Variants in PNCK observed in about 807,000 individuals in gnomAD.
PNCK encodes the protein calcium/calmodulin-dependent protein kinase type 1B.
A neutral mutation model predicts 28.3 loss-of-function variants in PNCK; 21 were observed. That is an observed-to-expected ratio of 0.74 (90% CI 0.53 to 1.07). PNCK has a LOEUF of 1.07. PNCK is among the 50% of genes least tolerant of loss of function. The pLI, the probability that PNCK is intolerant of heterozygous loss-of-function variation, is 0.00. For synonymous variants in PNCK, 136 were observed against 125.2 expected, an observed-to-expected ratio of 1.09 and a Z score of -0.58; for missense variants, 250 against 298.3, an observed-to-expected ratio of 0.84 and a Z score of 1.19.
intron 1 of PNCK, among the ~76,000 whole-genome samples, chrX:153,685,336 G>A (rs2091414227): frequency 9.0e-6 from 1 of 111,283 alleles, no homozygotes; most frequent in South Asian, 3.8e-4. Context: ...CTGCTCAGCA[G>A]CTCGTGGGAG....
chrX:153,677,945 T>G (rs781826990), upstream of PNCK, among the ~76,000 whole-genome samples: 17 of 107,661 alleles, frequency 1.6e-4, no homozygotes, highest in Non-Finnish European at 3.1e-4. Flanking sequence ...TACATATAGA[T>G]AGATAGATAT....
chrX:153,677,368 C>T (rs1225829636), upstream of PNCK, among the ~76,000 whole-genome samples: 2 of 110,170 alleles, frequency 1.8e-5, no homozygotes, highest in African/African-American at 6.6e-5. Flanking sequence ...TTTCCTGAAC[C>T]GGTCCTAGAA....
At chrX:153,677,769 G>A (rs782606576), upstream of PNCK, among the ~76,000 whole-genome samples, 173 of 103,250 alleles carry the variant, frequency 1.7e-3, 1 homozygote, top group African/African-American at 5.9e-3. Context: ...TATATAGTGT[G>A]TATATATATA....
chrX:153,671,500 TC>T, intron 6 of PNCK, 48 bp downstream of exon 6: 1 of 1,209,041 alleles, frequency 8.3e-7, no homozygotes, highest in Non-Finnish European at 1.1e-6. Context: ...CTGTCTAGGG[TC>T]CCCCAGGCCA....
chrX:153,673,225 C>T (rs894043499), intron 1 of PNCK, 147 bp from the exon 2 acceptor site: 6 of 1,195,166 alleles, frequency 5.0e-6, no homozygotes, highest in Non-Finnish European at 6.7e-6. Context: ...TCCACACCCC[C>T]AGACGGACGC....
At chrX:153,674,320 G>A (rs2091352255), upstream of PNCK, 1 of 826,199 alleles carries the variant, frequency 1.2e-6, no homozygotes, top group Admixed American at 3.5e-5. Context: ...CTTTTATTGA[G>A]ATCATGTCAC....
chrX:153,677,070 G>A (rs986188752), upstream of PNCK, among the ~76,000 whole-genome samples: 60 of 110,570 alleles, frequency 5.4e-4, no homozygotes, highest in South Asian at 7.8e-4. Flanking sequence ...CTCCCAAGTA[G>A]CTGGGACTAC....
intron 1 of PNCK, 77 bp from the exon 2 acceptor site, chrX:153,673,155 C>A: frequency 1.7e-6 from 2 of 1,176,987 alleles, no homozygotes; most frequent in Non-Finnish European, 2.3e-6. Context: ...CCTCCACCCC[C>A]TGCCAGGCAG....
At chrX:153,673,419 T>G in intron 1 of PNCK, 2 of 623,401 alleles carry the variant, frequency 3.2e-6, no homozygotes, top group Non-Finnish European at 4.6e-6. Context: ...TCCACACATC[T>G]ACAGCGCCCA....
At chrX:153,680,006 C>A (rs1603208249) in intron 1 of PNCK, among the ~76,000 whole-genome samples, 1 of 110,904 alleles carries the variant, frequency 9.0e-6, no homozygotes, top group East Asian at 2.9e-4. Context: ...GAGCCATGAT[C>A]ATGCCACTGC....
chrX:153,682,539 C>T (rs2091400006), intron 1 of PNCK, among the ~76,000 whole-genome samples: 1 of 112,226 alleles, frequency 8.9e-6, no homozygotes, highest in South Asian at 3.7e-4. Flanking sequence ...GCCTCTGAGC[C>T]CAAGCTAAGC....
At chrX:153,676,463 C>T (rs1304977834), upstream of PNCK, among the ~76,000 whole-genome samples, 1 of 112,177 alleles carries the variant, frequency 8.9e-6, no homozygotes, top group Admixed American at 9.5e-5. Flanking sequence ...GGACAAACGG[C>T]ATAAGGAATA....
intron 1 of PNCK, chrX:153,673,396 C>A: frequency 2.4e-6 from 2 of 842,208 alleles, no homozygotes; most frequent in South Asian, 2.5e-5. Context: ...TCACCCACGC[C>A]GTCCCTCCCC....
chrX:153,674,025 G>C (rs1250474687), upstream of PNCK: 1 of 1,192,470 alleles, frequency 8.4e-7, no homozygotes, highest in Non-Finnish European at 1.1e-6. Context: ...GGCCCGGCTG[G>C]GCCGGCCCCA....
At chrX:153,673,818 G>T, upstream of PNCK, 1 of 749,604 alleles carries the variant, frequency 1.3e-6, no homozygotes, top group Non-Finnish European at 1.6e-6. Flanking sequence ...CGCAGTGGCC[G>T]CAGCGCCAAG....
At chrX:153,681,028 CAAAAA>C (rs782745110) in intron 1 of PNCK, among the ~76,000 whole-genome samples, 2 of 30,225 alleles carry the variant, frequency 6.6e-5, no homozygotes, top group Non-Finnish European at 1.4e-4. Flanking sequence ...GAACCTGTCT[CAAAAA>C]AAAAAAAAAA....
chrX:153,677,585 T>A (rs199943701), upstream of PNCK, among the ~76,000 whole-genome samples: 1 of 78,582 alleles, frequency 1.3e-5, no homozygotes, highest in African/African-American at 5.8e-5. Flanking sequence ...GTATATATAG[T>A]GTATATATAT....
At position 153,672,920 on chromosome X, in the gene PNCK, C is replaced by T. The variant is rs1396176422; in HGVS notation, c.68+89G>A. On this transcript the variant is annotated intron_variant, in intron 2 of 11. Transcript: ENST00000340888. ...ACACACACATCATCTCACACCCACT[C>T]GCGTAGTCACACACACATGCCATCT... is the stretch of plus-strand genomic sequence containing the variant. 1.1e-5 allele frequency: 11 copies of T among 1,036,382 alleles called. No homozygotes were observed. The East Asian group carries it at 3.7e-4, about 35-fold the overall frequency. The allele number at this position is 1,036,382 out of a possible 1,213,427, so 85.4% of individuals were successfully genotyped here.
chrX:153,671,147 G>T lies in PNCK; in HGVS notation c.658C>A (p.Leu220Ile), dbSNP rs1299131323. The change falls in exon 8 of 12, where the codon CTC becomes ATC. Residue 220 changes from leucine (L) to isoleucine (I), a missense_variant. Physicochemically the swap from Leu to Ile is conservative, Grantham distance 5. Transcript: ENST00000340888. ...CTGGCCCTCAGGATCTGGCTGAAGAGCTCAGGGTCGCTCTCGTCGTAGAAG... is the reference window on the plus strand; with the variant it reads ...CTGGCCCTCAGGATCTGGCTGAAGATCTCAGGGTCGCTCTCGTCGTAGAAG... ...PPFYDESDPE[L>I]FSQILRASYE... 3 of 1,210,200 alleles carry T rather than the reference G, an allele frequency of 2.5e-6. No individual in the cohort carries two copies. In the African/African-American group the frequency reaches 5.2e-5, roughly 21 times the overall value.
Sources: gnomAD v4.1 joint callset for allele counts (sites outside exome capture counted in the v4.1 genomes callset) on GRCh38, gnomAD v4.1.1 for gene constraint, MANE v1.5 for transcripts, NCBI Gene and HGNC (gene_info 2026-07-23, HGNC 2026-07-21) for gene names.